Variants in ZFYVE28 observed in about 807,000 individuals in gnomAD.
ZFYVE28 encodes lateral signaling target protein 2 homolog.
Under a neutral mutation model 82.1 loss-of-function variants are expected in ZFYVE28, and 40 were observed. The observed-to-expected ratio is 0.49, with a 90% CI of 0.38 to 0.63. ZFYVE28 has a LOEUF of 0.63. ZFYVE28 is among the 30% of genes least tolerant of loss of function. The pLI is 0.00. For missense variants in ZFYVE28, 1,321 were observed against 1,242.1 expected (o/e 1.06, Z -0.96); for synonymous variants, 612 against 546.1 (o/e 1.12, Z -1.68).
chr4:2,323,148 G>T (rs1719354487), intron 6 of ZFYVE28, among the ~76,000 whole-genome samples: 1 of 152,164 alleles, frequency 6.6e-6, no homozygotes, highest in Non-Finnish European at 1.5e-5. Flanking sequence ...CGTAGCAGCT[G>T]TGGCATTTTA....
At chr4:2,306,465 C>T (rs1332794444) in intron 7 of ZFYVE28, among the ~76,000 whole-genome samples, 2 of 152,232 alleles carry the variant, frequency 1.3e-5, no homozygotes, top group African/African-American at 4.8e-5. Flanking sequence ...ATCCTGACTC[C>T]ATAGGCCGAG....
rs537748679 is a variant in ZFYVE28, at chr4:2,279,654, G to A, written c.2052-5438C>T. 1.3e-3 allele frequency among the ~76,000 whole-genome samples: 193 copies of A among 151,658 alleles called. No homozygotes were observed. The Middle Eastern group carries it at 0.014, about 11-fold the overall frequency. ...AAATTAGCCAGGCATGGTGGCGGGCGCCTGTAGTCCCAGCTACTCAGGAGG... is the reference window on the plus strand; with the variant it reads ...AAATTAGCCAGGCATGGTGGCGGGCACCTGTAGTCCCAGCTACTCAGGAGG... On this transcript the variant is annotated intron_variant, in intron 8 of 12. Coordinates refer to ENST00000290974, the MANE Select transcript of ZFYVE28 (RefSeq NM_020972.3).
rs574808089 is a variant in ZFYVE28, at chr4:2,274,123, C to A, written c.2145G>T (p.Lys715Asn). ...THAAPQATRE[K>N]IRSRFHGSHD... ...GGCTGCCGTGGAACCTGGACCGGAT[C>A]TTCTCTCTTGTGGCCTGTGGGGCAG... is the stretch of plus-strand genomic sequence containing the variant. Residue 715 changes from lysine to asparagine, a missense_variant, in exon 9 of 13, where the codon AAG becomes AAT. Physicochemically the swap from Lys to Asn is moderately conservative, Grantham distance 94. This residue lies in a region of ZFYVE28 where 978 missense variants were observed against 833.7 expected (regional missense o/e 1.17). Coordinates refer to ENST00000290974, the MANE Select transcript of ZFYVE28 (RefSeq NM_020972.3). 1.2e-6 allele frequency: 2 copies of A among 1,613,662 alleles called. No homozygotes were observed. Among genetic ancestry groups the A allele is most frequent in the Non-Finnish European group, 1.7e-6 (2 of 1,179,672 alleles).
chr4:2,308,665 GAA>G (rs753403133), intron 7 of ZFYVE28, among the ~76,000 whole-genome samples: 6,525 of 91,440 alleles, frequency 0.071, 173 homozygotes, highest in Non-Finnish European at 0.091. Context: ...AAGAAAGAAA[GAA>G]AGAAAGAAAG....
At chr4:2,314,236 T>C (rs1717895999) in intron 7 of ZFYVE28, among the ~76,000 whole-genome samples, 3 of 152,248 alleles carry the variant, frequency 2.0e-5, no homozygotes, top group African/African-American at 7.2e-5. Context: ...TTGGGTGGTG[T>C]CTGCATGGTT....
chr4:2,355,034 C>T (rs1011449078), intron 1 of ZFYVE28, among the ~76,000 whole-genome samples: 2 of 150,992 alleles, frequency 1.3e-5, no homozygotes, highest in Non-Finnish European at 1.5e-5. Flanking sequence ...AACCACCACA[C>T]GCCCCAACCC....
chr4:2,333,507 C>T (rs1292976077), intron 6 of ZFYVE28, among the ~76,000 whole-genome samples: 1 of 151,802 alleles, frequency 6.6e-6, no homozygotes, highest in African/African-American at 2.4e-5. Flanking sequence ...GTGTGAAAGT[C>T]CCGAAACACA....
intron 2 of ZFYVE28, among the ~76,000 whole-genome samples, chr4:2,353,308 G>C (rs1324841774): frequency 1.1e-4 from 16 of 152,226 alleles, no homozygotes; most frequent in Non-Finnish European, 2.4e-4. Flanking sequence ...CCCTGTTGGA[G>C]GAGCATGTGT....
At chr4:2,284,313 C>A (rs138546783) in intron 8 of ZFYVE28, among the ~76,000 whole-genome samples, 74 of 152,286 alleles carry the variant, frequency 4.9e-4, no homozygotes, top group Admixed American at 9.8e-4. Context: ...CCTCAAGCTC[C>A]GGGCCCCACA....
At chr4:2,315,763 G>A (rs1455648531) in intron 7 of ZFYVE28, among the ~76,000 whole-genome samples, 2 of 152,062 alleles carry the variant, frequency 1.3e-5, no homozygotes, top group African/African-American at 2.4e-5. Context: ...TATGCTGGTT[G>A]GTTTTTTGTT....
chr4:2,325,694 T>C (rs1379993774), intron 6 of ZFYVE28, among the ~76,000 whole-genome samples: 1 of 149,508 alleles, frequency 6.7e-6, no homozygotes, highest in African/African-American at 2.5e-5. Flanking sequence ...CTCGAACTCC[T>C]GGGCTCAACT....
intron 1 of ZFYVE28, among the ~76,000 whole-genome samples, chr4:2,367,049 T>C (rs1242820064): frequency 6.6e-6 from 1 of 152,234 alleles, no homozygotes; most frequent in East Asian, 1.9e-4. Flanking sequence ...GAACACCGAC[T>C]GCAGAAAATT....
At position 2,305,083 on chromosome 4, in the gene ZFYVE28, T is replaced by G. The variant is rs1458016247; in HGVS notation, c.1257A>C (p.Pro419=). The G allele has an allele frequency of 6.2e-7, 1 of 1,608,222 alleles. No homozygotes were observed. Among genetic ancestry groups the G allele is most frequent in the Non-Finnish European group, 8.5e-7 (1 of 1,177,162 alleles). ...TGCCTGCCCACCCAAATGGGCCAGC[T>G]GGGGACTCGGGCCTGGCCAGGGCTT... ...TAEALARPES[P]AGPFGWAGST... is the part of the protein sequence containing the mutation. The change falls in exon 8 of 13, where the codon CCA becomes CCC. Residue 419 remains proline (P), a synonymous_variant. Coordinates refer to ENST00000290974, the MANE Select transcript of ZFYVE28 (RefSeq NM_020972.3).
chr4:2,307,642 C>T (rs533444871), intron 7 of ZFYVE28, among the ~76,000 whole-genome samples: 1 of 152,026 alleles, frequency 6.6e-6, no homozygotes, highest in Non-Finnish European at 1.5e-5. Context: ...ACCACCGTAT[C>T]TGGCTAATTA....
In ZFYVE28 at chr4:2,409,377, C is replaced by T. The variant is rs1341820593; in HGVS notation, c.39+8908G>A. ...CCACAGCAGGCCTGGAAGGACCCCG[C>T]AAACAGCAGTGCTGACCCCATCATG... On this transcript the variant is annotated intron_variant, in intron 1 of 12. Transcript: ENST00000290974. This position sits in a 1 kb window ranked among gnomAD's most constrained non-coding sequence, Gnocchi z 4.4. 3.3e-5 allele frequency among the ~76,000 whole-genome samples: 5 copies of T among 152,170 alleles called. No individual in the cohort carries two copies. Among genetic ancestry groups the T allele is most frequent in the African/African-American group, 9.7e-5 (4 of 41,440 alleles).
chr4:2,274,033 T>C (rs764306895), intron 9 of ZFYVE28, 29 bp downstream of exon 9: 6 of 1,611,430 alleles, frequency 3.7e-6, no homozygotes, highest in Non-Finnish European at 5.1e-6. Flanking sequence ...CCTCAAGCCA[T>C]GCACCGGTCT....
At chr4:2,275,508 A>G (rs1353455888) in intron 8 of ZFYVE28, among the ~76,000 whole-genome samples, 1 of 152,166 alleles carries the variant, frequency 6.6e-6, no homozygotes, top group East Asian at 1.9e-4. Flanking sequence ...TTCTCTACCT[A>G]GAAATATTCG....
intron 2 of ZFYVE28, among the ~76,000 whole-genome samples, chr4:2,350,357 G>C (rs1039306385): frequency 1.3e-5 from 2 of 152,054 alleles, no homozygotes; most frequent in Non-Finnish European, 2.9e-5. Context: ...CCAGCTACTC[G>C]GGAGGCTGAG....
intron 2 of ZFYVE28, among the ~76,000 whole-genome samples, chr4:2,346,299 G>A (rs531992222): frequency 2.7e-5 from 4 of 147,916 alleles, no homozygotes; most frequent in African/African-American, 5.1e-5. Context: ...CCGAGATCGC[G>A]CCACTGCACT....
Sources: gnomAD v4.1 joint callset for allele counts (sites outside exome capture counted in the v4.1 genomes callset) on GRCh38, gnomAD v4.1.1 for gene constraint, gnomAD v4.1.1 regional missense constraint, Gnocchi (gnomAD v3.1) non-coding constraint, MANE v1.5 for transcripts, NCBI Gene and HGNC (gene_info 2026-07-23, HGNC 2026-07-21) for gene names.